The following CDKL2 variants were observed in gnomAD, a reference collection of about 807,000 sequenced individuals.
CDKL2 encodes cyclin-dependent kinase-like 2.
In CDKL2, 64 loss-of-function variants were observed where a neutral mutation model predicts 63.9. The ratio of observed to expected loss-of-function variants is 1.00; its 90% CI spans 0.82 to 1.23. CDKL2 has a LOEUF of 1.23. CDKL2 is among the 50% of genes most tolerant of loss of function. The probability of loss-of-function intolerance (pLI) is 0.00; values close to 1 mark genes in which losing one functional copy is unlikely to be tolerated. For synonymous variants in CDKL2, 211 were observed against 229.2 expected (o/e 0.92, Z 0.72); for missense variants, 656 against 668.0 (o/e 0.98, Z 0.20).
chr4:75,604,040 A>G, intron 5 of CDKL2, 84 bp from the exon 6 acceptor site: 1 of 1,299,880 alleles, frequency 7.7e-7, no homozygotes, highest in South Asian at 1.4e-5. Flanking sequence ...AGTAGAGGAA[A>G]TAGTGGAACA....
intron 2 of CDKL2, among the ~76,000 whole-genome samples, chr4:75,617,552 C>T (rs1314482777): frequency 6.6e-6 from 1 of 152,128 alleles, no homozygotes; most frequent in African/African-American, 2.4e-5. Flanking sequence ...CCAAAACCCA[C>T]AAATTTCATA....
intron 10 of CDKL2, among the ~76,000 whole-genome samples, chr4:75,593,637 C>A (rs1728799555): frequency 1.3e-5 from 2 of 152,122 alleles, no homozygotes. Flanking sequence ...ATTGAACCAG[C>A]TATTTTGAAA....
rs193014888 is a variant in CDKL2 at position 75,577,578 on chromosome 4, C to T, written c.*1624G>A. 4.6e-5 allele frequency among the ~76,000 whole-genome samples: 7 copies of T among 152,202 alleles called. No individual in the cohort carries two copies. Among genetic ancestry groups the T allele is most frequent in the South Asian group, 2.1e-4 (1 of 4,828 alleles). ...ACATAAAAATAGTATTGAAATAAGC[C>T]GAAGCGCCATTTGGCTTTAAGTATT... On this transcript the variant is annotated 3_prime_UTR_variant, in exon 14 of 14. Transcript: ENST00000307465.
chr4:75,596,833 C>A (rs1306746662), intron 9 of CDKL2, 102 bp downstream of exon 9: 6 of 1,006,688 alleles, frequency 6.0e-6, no homozygotes, highest in African/African-American at 3.2e-5. Flanking sequence ...GAATAGCATC[C>A]AGAATTCTGA....
intron 7 of CDKL2, 123 bp downstream of exon 7, chr4:75,600,158 G>A (rs777303634): frequency 1.6e-4 from 99 of 625,952 alleles, no homozygotes; most frequent in Admixed American, 8.2e-4. Flanking sequence ...GGGTAGAGTG[G>A]TAGATATCTG....
At chr4:75,602,904 A>C (rs1478499180) in intron 6 of CDKL2, among the ~76,000 whole-genome samples, 1 of 152,014 alleles carries the variant, frequency 6.6e-6, no homozygotes, top group African/African-American at 2.4e-5. Flanking sequence ...CGTAAAAATC[A>C]TACAGTGTTT....
rs765161895 is a variant in CDKL2 at position 75,605,516 on chromosome 4, C to G, written c.655+6G>C. 1 of 1,507,820 alleles carries G rather than the reference C, an allele frequency of 6.6e-7. No individual in the cohort carries two copies. The highest frequency in any genetic ancestry group is 9.2e-7 in the Non-Finnish European group (1 of 1,087,734). The allele number at this position is 1,507,820 out of a possible 1,614,324, so 93.4% of individuals were successfully genotyped here. The stretch of plus-strand genomic sequence containing the variant: ...TAAAATTTAAAATGCAGATGTGTAA[C>G]CTTACCTAAACACATCATAATATGA... On this transcript the variant is annotated splice_donor_region_variant and intron_variant, in intron 5 of 13. Coordinates refer to ENST00000307465, the MANE Select transcript of CDKL2 (RefSeq NM_001330724.2).
At chr4:75,612,157 G>C (rs1409882244) in intron 3 of CDKL2, among the ~76,000 whole-genome samples, 1 of 151,928 alleles carries the variant, frequency 6.6e-6, no homozygotes, top group African/African-American at 2.4e-5. Flanking sequence ...ATTTTTAGTA[G>C]AGATGGGGTT....
In CDKL2 at chr4:75,608,590, G is replaced by A. The variant is rs184503726; in HGVS notation, c.364-1229C>T. On this transcript the variant is annotated intron_variant, in intron 3 of 13. Transcript: ENST00000307465. ...AATGAGCTAAATCAGAGAGAAAGAC[G>A]AGAGGCAGGAAGAAGAGCAGTGGGA... Among the ~76,000 whole-genome samples the A allele has an allele frequency of 1.1e-4, 16 of 152,296 alleles. No individual in the cohort carries two copies. The South Asian group carries it at 2.5e-3, about 24-fold the overall frequency.
chr4:75,602,162 G>GTT (rs111466342), intron 6 of CDKL2, among the ~76,000 whole-genome samples: 112 of 128,418 alleles, frequency 8.7e-4, no homozygotes, highest in South Asian at 2.9e-3. Context: ...CCTACATTTT[G>GTT]TTTTTTTTTT....
chr4:75,625,851 CTTT>C lies in CDKL2; in HGVS notation c.135_137del (p.Lys46del). On this transcript the variant is annotated inframe_deletion, in exon 2 of 14. Transcript: ENST00000307465. ...GTAACTTGATTTCTCGCATTGCAAT[CTTT>C]TTAACCATTTTGTCATCGTCACTTT... The C allele has an allele frequency of 6.2e-7, 1 of 1,612,690 alleles. No individual in the cohort carries two copies. Among genetic ancestry groups the C allele is most frequent in the Non-Finnish European group, 8.5e-7 (1 of 1,179,648 alleles).
At chr4:75,580,909 C>T (rs911271883) in intron 13 of CDKL2, among the ~76,000 whole-genome samples, 8 of 151,494 alleles carry the variant, frequency 5.3e-5, no homozygotes, top group African/African-American at 1.7e-4. Flanking sequence ...ACCGTGTTAG[C>T]CAGGATGGTC....
At chr4:75,595,493 A>G (rs1728875582) in intron 10 of CDKL2, among the ~76,000 whole-genome samples, 1 of 151,932 alleles carries the variant, frequency 6.6e-6, no homozygotes, top group African/African-American at 2.4e-5. Context: ...GGGATTATAG[A>G]TGTGTGCTAC....
rs911663623 is a variant in CDKL2 at position 75,628,067 on chromosome 4, A to G, written c.-30+1975T>C. 3.7e-4 allele frequency among the ~76,000 whole-genome samples: 56 copies of G among 150,704 alleles called. 1 individual carries two copies. Among genetic ancestry groups the G allele is most frequent in the Non-Finnish European group, 6.8e-4 (46 of 67,704 alleles). On this transcript the variant is annotated intron_variant, in intron 1 of 13. Coordinates refer to ENST00000307465, the MANE Select transcript of CDKL2 (RefSeq NM_001330724.2). ...CAAGTACAGTAAAAGTATTTCAAAA[A>G]CCCTGTTAATGATTACTCACTATAA...
Position 75,607,240 on chromosome 4 carries a change from A to T in CDKL2, c.485T>A (p.Val162Glu). 1 of 1,614,074 alleles carries T rather than the reference A, an allele frequency of 6.2e-7. No individual in the cohort carries two copies. ...AAPGEVYTDY[V>E]ATRWYRAPEL... The stretch of plus-strand genomic sequence containing the variant: ...TGGAGCTCTGTACCATCGGGTTGCC[A>T]CATAATCAGTATAAACCTCCCCAGG... The change falls in exon 4 of 14, where the codon GTG becomes GAG. Residue 162 changes from valine to glutamate, a missense_variant. Physicochemically the swap from Val to Glu is moderately radical, Grantham distance 121. Transcript: ENST00000307465.
At chr4:75,619,582 A>G (rs1413423577) in intron 2 of CDKL2, among the ~76,000 whole-genome samples, 1 of 109,006 alleles carries the variant, frequency 9.2e-6, no homozygotes, top group Non-Finnish European at 1.9e-5. Context: ...CTGTATAAAA[A>G]AAAAAAAAAA....
At chr4:75,620,838 T>C (rs1730120632) in intron 2 of CDKL2, among the ~76,000 whole-genome samples, 1 of 152,170 alleles carries the variant, frequency 6.6e-6, no homozygotes, top group Admixed American at 6.5e-5. Flanking sequence ...GCCCTAAAAG[T>C]CCTCAAGCTA....
intron 2 of CDKL2, among the ~76,000 whole-genome samples, chr4:75,619,654 T>C (rs976440038): frequency 1.4e-5 from 2 of 145,514 alleles, no homozygotes; most frequent in Admixed American, 6.9e-5. Context: ...GGACCGACAA[T>C]GTCTTTCCAT....
intron 3 of CDKL2, among the ~76,000 whole-genome samples, chr4:75,611,901 G>C (rs962303229): frequency 6.6e-6 from 1 of 150,894 alleles, no homozygotes; most frequent in South Asian, 2.1e-4. Context: ...TGATCCACCC[G>C]CCTCGGCCTC....
Sources: allele counts gnomAD v4.1 joint callset (sites outside exome capture counted in the v4.1 genomes callset), GRCh38; gene constraint gnomAD v4.1.1; transcripts MANE v1.5; gene names NCBI Gene and HGNC (gene_info 2026-07-23, HGNC 2026-07-21).